Variants in CALCRL observed in about 807,000 individuals in gnomAD.
CALCRL encodes calcitonin receptor like receptor.
CALCRL carries 27 observed loss-of-function variants against 60.4 expected under a neutral mutation model. The observed-to-expected ratio is 0.45, with a 90% CI of 0.33 to 0.62. The LOEUF (loss-of-function observed/expected upper bound fraction) is 0.62, where lower values mean the gene tolerates loss of function less well. Among genes scored for constraint, CALCRL ranks in the 20% least tolerant of loss-of-function variants. The probability of loss-of-function intolerance (pLI) is 0.03; values close to 1 mark genes in which losing one functional copy is unlikely to be tolerated. For synonymous variants in CALCRL, 190 were observed against 182.6 expected, an observed-to-expected ratio of 1.04 and a Z score of -0.33; for missense variants, 424 against 540.7, an observed-to-expected ratio of 0.78 and a Z score of 2.14.
At chr2:187,394,184 G>A (rs1688570223) in intron 1 of CALCRL, among the ~76,000 whole-genome samples, 1 of 152,048 alleles carries the variant, frequency 6.6e-6, no homozygotes, top group Admixed American at 6.6e-5. Context: ...GAGCCCACAT[G>A]CAAGGACTAG....
rs577803593 is a variant in CALCRL at position 187,390,363 on chromosome 2, A to T, written c.-292-2607T>A. 2.0e-5 allele frequency among the ~76,000 whole-genome samples: 3 copies of T among 152,282 alleles called. No individual in the cohort carries two copies. The East Asian group carries it at 5.8e-4, about 29-fold the overall frequency. On this transcript the variant is annotated intron_variant, in intron 1 of 14. Coordinates refer to ENST00000392370, the MANE Select transcript of CALCRL (RefSeq NM_005795.6). ...ATAAATATTATTCTATGTAAAAATC[A>T]CGTATGTTTTACAAAATAATTTTTT... is the stretch of plus-strand genomic sequence containing the variant.
chr2:187,378,891 T>A, intron 8 of CALCRL, 49 bp downstream of exon 8: 1 of 1,046,774 alleles, frequency 9.6e-7, no homozygotes, highest in Non-Finnish European at 1.5e-6. Flanking sequence ...GATGGGGCAT[T>A]CACCCAAGAC....
At chr2:187,405,222 T>C (rs181401437) in intron 1 of CALCRL, among the ~76,000 whole-genome samples, 6 of 152,146 alleles carry the variant, frequency 3.9e-5, no homozygotes, top group Admixed American at 2.0e-4. Flanking sequence ...TTTGGTTTAA[T>C]TGGCCTCAGT....
At chr2:187,420,081 T>A (rs1298640404) in intron 1 of CALCRL, among the ~76,000 whole-genome samples, 1 of 152,166 alleles carries the variant, frequency 6.6e-6, no homozygotes, top group Non-Finnish European at 1.5e-5. Flanking sequence ...AAACAGATGC[T>A]AACATTTCAA....
intron 4 of CALCRL, among the ~76,000 whole-genome samples, chr2:187,385,152 C>T (rs1327416627): frequency 6.6e-6 from 1 of 152,150 alleles, no homozygotes; most frequent in Non-Finnish European, 1.5e-5. Context: ...ATATGTCAAT[C>T]AACTGGCAGA....
At chr2:187,398,413 G>A (rs1395121820) in intron 1 of CALCRL, among the ~76,000 whole-genome samples, 2 of 151,430 alleles carry the variant, frequency 1.3e-5, no homozygotes, top group East Asian at 1.9e-4. Context: ...TTGTTACATT[G>A]AGCTTTCCAA....
intron 12 of CALCRL, among the ~76,000 whole-genome samples, chr2:187,355,098 T>C (rs188722264): frequency 1.1e-4 from 16 of 152,228 alleles, no homozygotes; most frequent in African/African-American, 3.6e-4. Context: ...CTGTGCCAGA[T>C]CACTTAACAG....
rs904056320 is a variant in CALCRL at position 187,359,291 on chromosome 2, A to G, written c.782-19T>C. 1 of 1,487,148 alleles carries G rather than the reference A, an allele frequency of 6.7e-7. No homozygotes were observed. Among genetic ancestry groups the G allele is most frequent in the Non-Finnish European group, 9.0e-7 (1 of 1,114,070 alleles). 92.1% of individuals were successfully genotyped at this position (1,487,148 alleles called of 1,614,324 possible). On this transcript the variant is annotated intron_variant, in intron 10 of 14. Coordinates refer to ENST00000392370, the MANE Select transcript of CALCRL (RefSeq NM_005795.6). ...GGAAATCCTGTAATAACAAAAAAAA[A>G]AGAAAATAAATAGGCATTTTTTCTA...
At chr2:187,438,950 C>T (rs1690770834) in intron 1 of CALCRL, among the ~76,000 whole-genome samples, 1 of 152,168 alleles carries the variant, frequency 6.6e-6, no homozygotes, top group Non-Finnish European at 1.5e-5. Context: ...AGTAATTTTA[C>T]TCTGGCATCT....
chr2:187,389,011 T>G (rs1029544420), intron 1 of CALCRL, among the ~76,000 whole-genome samples: 2 of 151,966 alleles, frequency 1.3e-5, no homozygotes, highest in South Asian at 4.1e-4. Context: ...TGGGCTAATT[T>G]CTTTCTCATT....
At chr2:187,346,463 T>C in intron 14 of CALCRL, 64 bp from the exon 15 acceptor site, 1 of 1,165,080 alleles carries the variant, frequency 8.6e-7, no homozygotes, top group Non-Finnish European at 1.2e-6. Flanking sequence ...AAGACACTGT[T>C]TTTGAAGCAC....
chr2:187,385,145 T>A (rs1416427148), intron 4 of CALCRL, among the ~76,000 whole-genome samples: 1 of 152,176 alleles, frequency 6.6e-6, no homozygotes, highest in African/African-American at 2.4e-5. Context: ...AATCAAGATA[T>A]GTCAATCAAC....
At chr2:187,368,797 C>T (rs3755251) in intron 8 of CALCRL, among the ~76,000 whole-genome samples, 2 of 151,796 alleles carry the variant, frequency 1.3e-5, no homozygotes, top group African/African-American at 4.8e-5. Context: ...TCTTTTCCCC[C>T]AAAAAACACT....
In CALCRL at chr2:187,382,480, A is replaced by T. The variant is rs556460663; in HGVS notation, c.184+693T>A. Among the ~76,000 whole-genome samples the T allele has an allele frequency of 1.4e-4, 21 of 152,356 alleles. No individual in the cohort carries two copies. The South Asian group carries it at 4.4e-3, about 32-fold the overall frequency. ...TTGGAAGGGTTTCAAAGTTAAAAAT[A>T]TCTAAAGAGTGTTAAATTTTATTTT... On this transcript the variant is annotated intron_variant, in intron 5 of 14. Transcript: ENST00000392370.
At chr2:187,428,616 AG>A (rs1444186810) in intron 1 of CALCRL, 17 of 152,200 alleles carry the variant, frequency 1.1e-4, no homozygotes, top group African/African-American at 3.6e-4. Context: ...ATAAGCAGCC[AG>A]GTACAGTGGC....
rs1180237274 is a variant in CALCRL, at chr2:187,351,925, C to T, written c.1165G>A (p.Gly389Arg). Residue 389 changes from glycine (G) to arginine (R), a missense_variant, in exon 14 of 15, where the codon GGA becomes AGA. Around this residue, in one of 7 missense-constraint regions of CALCRL, gnomAD observed 222 missense variants for 265.6 expected, o/e 0.84. Transcript: ENST00000392370. ...LVSTIFCFFNGEVQAILRRNW... is the reference protein window; with the variant it reads ...LVSTIFCFFNREVQAILRRNW... ...AATAAAATCAATTATCATACCTCTC[C>T]ATTAAAGAAGCAGAAAATGGTAGAG... is the stretch of plus-strand genomic sequence containing the variant. 4 of 1,571,792 alleles carry T rather than the reference C, an allele frequency of 2.5e-6. No homozygotes were observed. In the Admixed American group the frequency reaches 6.8e-5, roughly 27 times the overall value.
At position 187,344,434 on chromosome 2, in the gene CALCRL, T is replaced by C. The variant is rs1197611439; in HGVS notation, c.*1750A>G. 6.6e-6 allele frequency: 1 copy of C among 151,662 alleles called. No individual in the cohort carries two copies. The highest frequency in any genetic ancestry group is 1.5e-5 in the Non-Finnish European group (1 of 67,700). 9.4% of individuals were successfully genotyped at this position (151,662 alleles called of 1,614,324 possible). A position where few individuals can be genotyped will look rare whatever the true frequency, so the allele number is the denominator to read the frequency against. ...TTTGTTTCATCCATTTTAATCAGAT[T>C]GACACACTTAAAAAACAGATACCCA... On this transcript the variant is annotated 3_prime_UTR_variant, in exon 15 of 15. Coordinates refer to ENST00000392370, the MANE Select transcript of CALCRL (RefSeq NM_005795.6).
rs1219501564 is a variant in CALCRL, at chr2:187,414,862, G to A, written c.-292-27106C>T. Among the ~76,000 whole-genome samples, 6 of 141,136 alleles carry A rather than the reference G, an allele frequency of 4.3e-5. No homozygotes were observed. The Admixed American group carries it at 4.5e-4, about 11-fold the overall frequency. 92.6% of individuals were successfully genotyped at this position (141,136 alleles called of 152,430 possible). A position where few individuals can be genotyped will look rare whatever the true frequency, so the allele number is the denominator to read the frequency against. On this transcript the variant is annotated intron_variant, in intron 1 of 14. Transcript: ENST00000392370. ...TTTGAATCTCAGAGAACTGAGCTGT[G>A]CCACCAGAAAATTATTTTTTTTTTT...
At chr2:187,430,419 A>G (rs1217398071) in intron 1 of CALCRL, among the ~76,000 whole-genome samples, 1 of 152,206 alleles carries the variant, frequency 6.6e-6, no homozygotes, top group Non-Finnish European at 1.5e-5. Flanking sequence ...ACGATGATAC[A>G]TTATTGAATT....
Sources: allele counts gnomAD v4.1 joint callset (sites outside exome capture counted in the v4.1 genomes callset), GRCh38; gene constraint gnomAD v4.1.1; regional missense constraint gnomAD v4.1.1; transcripts MANE v1.5; gene names NCBI Gene and HGNC (gene_info 2026-07-23, HGNC 2026-07-21).